GRID2: variants seen among roughly 807,000 people sequenced by gnomAD.
GRID2 encodes glutamate ionotropic receptor delta type subunit 2, also known as glutamate receptor ionotropic, delta-2.
A neutral mutation model predicts 114.8 loss-of-function variants in GRID2; 33 were observed. The ratio of observed to expected loss-of-function variants is 0.29; its 90% confidence interval spans 0.22 to 0.38. The LOEUF is 0.38. Among genes scored for constraint, GRID2 ranks in the 10% least tolerant of loss-of-function variants. The pLI is 1.00. For missense variants in GRID2, 1,184 were observed against 1,257.7 expected (o/e 0.94, Z 0.89); for synonymous variants, 505 against 449.9 (o/e 1.12, Z -1.55).
Position 93,526,295 on chromosome 4 carries a change from C to T in GRID2, c.2193+10884C>T, listed in dbSNP as rs183206059. Among the ~76,000 whole-genome samples the T allele has an allele frequency of 2.0e-5, 3 of 152,260 alleles. No homozygotes were observed. In the East Asian group the frequency reaches 5.8e-4, roughly 29 times the overall value. On this transcript the variant is annotated intron_variant, in intron 13 of 15. Transcript: ENST00000282020. ...AGGTGCCTGCTTCCCCTTCACCTTC[C>T]ACCATGATTGTAAGTTTCCTGAGGC...
chr4:92,947,133 G>T (rs933576079), intron 2 of GRID2, among the ~76,000 whole-genome samples: 4 of 152,016 alleles, frequency 2.6e-5, no homozygotes, highest in Non-Finnish European at 5.9e-5. Flanking sequence ...TTATATGTCT[G>T]TTGGCTTTAC....
intron 2 of GRID2, among the ~76,000 whole-genome samples, chr4:92,963,119 C>A (rs79350728): frequency 1.3e-5 from 2 of 151,972 alleles, no homozygotes; most frequent in Non-Finnish European, 2.9e-5. Flanking sequence ...ATCTTCTGGG[C>A]CTTCAGCGTG....
chr4:92,425,349 A>T, intron 1 of GRID2, among the ~76,000 whole-genome samples: 1 of 152,074 alleles, frequency 6.6e-6, no homozygotes. Flanking sequence ...AATTAACAAG[A>T]CTGCCAAAAA....
At chr4:93,718,410 C>T (rs1354918390) in intron 14 of GRID2, among the ~76,000 whole-genome samples, 1 of 152,100 alleles carries the variant, frequency 6.6e-6, no homozygotes, top group African/African-American at 2.4e-5. Flanking sequence ...AGAAATACTC[C>T]ATATTCAGGC....
At chr4:92,805,974 T>G (rs1377354658) in intron 2 of GRID2, among the ~76,000 whole-genome samples, 1 of 151,856 alleles carries the variant, frequency 6.6e-6, no homozygotes, top group Non-Finnish European at 1.5e-5. Context: ...CACTACACAA[T>G]CATATTTTGT....
chr4:92,496,365 A>G (rs1560670675), intron 1 of GRID2, among the ~76,000 whole-genome samples: 1 of 151,852 alleles, frequency 6.6e-6, no homozygotes, highest in Non-Finnish European at 1.5e-5. Context: ...AAACAAAACA[A>G]AACAGACAGC....
intron 1 of GRID2, among the ~76,000 whole-genome samples, chr4:92,545,988 G>T (rs1726235286): frequency 6.6e-6 from 1 of 151,980 alleles, no homozygotes; most frequent in South Asian, 2.1e-4. Context: ...CTTCTATTTG[G>T]CAAACTTTTA....
chr4:92,729,537 C>T (rs941428661), intron 2 of GRID2, among the ~76,000 whole-genome samples: 1 of 151,986 alleles, frequency 6.6e-6, no homozygotes, highest in Non-Finnish European at 1.5e-5. Flanking sequence ...TTTGTTTTGG[C>T]ATTTCCTGAA....
intron 11 of GRID2, among the ~76,000 whole-genome samples, chr4:93,488,460 G>A (rs1197185620): frequency 1.3e-5 from 2 of 151,786 alleles, no homozygotes; most frequent in African/African-American, 2.4e-5. Context: ...TACGTAGTGG[G>A]AACTCGTGGT....
chr4:93,319,489 T>C (rs923736132), intron 8 of GRID2: 1 of 152,020 alleles, frequency 6.6e-6, no homozygotes, highest in Non-Finnish European at 1.5e-5. Flanking sequence ...TTGTTTTTTT[T>C]CCCCCATTAA....
chr4:92,594,624 A>G (rs895873429), intron 2 of GRID2, among the ~76,000 whole-genome samples: 2 of 151,924 alleles, frequency 1.3e-5, no homozygotes, highest in African/African-American at 2.4e-5. Flanking sequence ...ACCTCATTCA[A>G]CTATTCACCA....
chr4:92,542,155 T>C (rs959413183), intron 1 of GRID2, among the ~76,000 whole-genome samples: 3 of 152,134 alleles, frequency 2.0e-5, no homozygotes, highest in African/African-American at 4.8e-5. Flanking sequence ...ATAATAATTA[T>C]GGAGTGACCA....
chr4:93,042,247 ATCTCTC>A (rs1166899378), intron 2 of GRID2, among the ~76,000 whole-genome samples: 49 of 121,720 alleles, frequency 4.0e-4, no homozygotes, highest in South Asian at 1.1e-3. Context: ...TATATTTTAA[ATCTCTC>A]TCTCTCTCTC....
chr4:92,381,690 T>C (rs1301895397), intron 1 of GRID2, among the ~76,000 whole-genome samples: 1 of 152,052 alleles, frequency 6.6e-6, no homozygotes, highest in Non-Finnish European at 1.5e-5. Flanking sequence ...ATGGAAGTAC[T>C]GTGGAGTTTA....
chr4:92,645,933 C>T (rs1483822678), intron 2 of GRID2, among the ~76,000 whole-genome samples: 1 of 151,612 alleles, frequency 6.6e-6, no homozygotes. Flanking sequence ...TTAGAGAAGT[C>T]ATCTTATGTG....
At chr4:92,383,154 A>G (rs1729701053) in intron 1 of GRID2, among the ~76,000 whole-genome samples, 1 of 151,864 alleles carries the variant, frequency 6.6e-6, no homozygotes, top group South Asian at 2.1e-4. Flanking sequence ...ACTGTGCTAA[A>G]TCATTCATGA....
intron 1 of GRID2, among the ~76,000 whole-genome samples, chr4:92,329,094 T>C (rs888514380): frequency 6.6e-6 from 1 of 152,068 alleles, no homozygotes; most frequent in Admixed American, 6.6e-5. Flanking sequence ...TACTTCATAA[T>C]AGTCATTTTT....
chr4:93,750,620 G>A (rs890204336), intron 14 of GRID2, among the ~76,000 whole-genome samples: 1 of 152,072 alleles, frequency 6.6e-6, no homozygotes, highest in Non-Finnish European at 1.5e-5. Flanking sequence ...GCAGGGCATG[G>A]TGGCAGGCCC....
intron 14 of GRID2, among the ~76,000 whole-genome samples, chr4:93,687,634 G>A (rs1726189179): frequency 6.6e-6 from 1 of 151,948 alleles, no homozygotes; most frequent in Admixed American, 6.6e-5. Context: ...ATTGACCACT[G>A]GATTCATAAT....
Sources: allele counts gnomAD v4.1 joint callset (sites outside exome capture counted in the v4.1 genomes callset), GRCh38; gene constraint gnomAD v4.1.1; transcripts MANE v1.5; gene names NCBI Gene and HGNC (gene_info 2026-07-23, HGNC 2026-07-21).